ATG5: variants seen among roughly 807,000 people sequenced by gnomAD.
ATG5 encodes the protein autophagy protein 5.
ATG5 carries 14 observed loss-of-function variants against 36.5 expected under a neutral mutation model. The observed-to-expected ratio is 0.38, with a 90% CI of 0.25 to 0.60. The LOEUF (loss-of-function observed/expected upper bound fraction) is 0.60. ATG5 is among the 20% of genes least tolerant of loss of function. The pLI is 0.60. For missense variants in ATG5, 195 were observed against 326.7 expected, an observed-to-expected ratio of 0.60 and a Z score of 3.11; for synonymous variants, 95 against 101.5, an observed-to-expected ratio of 0.94 and a Z score of 0.38.
intron 6 of ATG5, among the ~76,000 whole-genome samples, chr6:106,235,364 C>T (rs1312630038): frequency 6.6e-6 from 1 of 152,152 alleles, no homozygotes; most frequent in East Asian, 1.9e-4. Flanking sequence ...CGAACGCACC[C>T]CTCCCGAGGA....
intron 7 of ATG5, among the ~76,000 whole-genome samples, chr6:106,187,862 C>A (rs908140062): frequency 2.0e-5 from 3 of 152,170 alleles, no homozygotes; most frequent in African/African-American, 7.2e-5. Context: ...ACAGAGGACA[C>A]AAAATACTAC....
In ATG5 at chr6:106,289,156, T is replaced by C. The variant is rs554741642; in HGVS notation, c.315+3872A>G. 3.2e-4 allele frequency among the ~76,000 whole-genome samples: 49 copies of C among 152,268 alleles called. 1 individual carries two copies. The South Asian group carries it at 7.7e-3, about 24-fold the overall frequency. On this transcript the variant is annotated intron_variant, in intron 4 of 7. Transcript: ENST00000369076. ...CAAAATTGTTACTCAATACATCCAATCTGTTGAATGTATAAACTATTTTCT... is the reference window on the plus strand; with the variant it reads ...CAAAATTGTTACTCAATACATCCAACCTGTTGAATGTATAAACTATTTTCT...
intron 5 of ATG5, among the ~76,000 whole-genome samples, chr6:106,251,452 C>T (rs1778571004): frequency 6.7e-6 from 1 of 150,222 alleles, no homozygotes; most frequent in African/African-American, 2.5e-5. Flanking sequence ...TTTATTAATT[C>T]TTCACATAAA....
At chr6:106,289,783 A>T in intron 4 of ATG5, among the ~76,000 whole-genome samples, 1 of 152,216 alleles carries the variant, frequency 6.6e-6, no homozygotes. Context: ...CAACAAAAAA[A>T]ACAGGAACAC....
chr6:106,238,740 T>C (rs1476512329), intron 6 of ATG5, among the ~76,000 whole-genome samples: 1 of 152,178 alleles, frequency 6.6e-6, no homozygotes, highest in Non-Finnish European at 1.5e-5. Flanking sequence ...TGAGAAAATA[T>C]CTGGGATATG....
intron 6 of ATG5, among the ~76,000 whole-genome samples, chr6:106,239,637 C>A (rs1305247718): frequency 6.6e-6 from 1 of 152,146 alleles, no homozygotes; most frequent in Non-Finnish European, 1.5e-5. Flanking sequence ...AATAAAGAAT[C>A]CAGAATTAGA....
chr6:106,293,895 A>T (rs1385367778), intron 3 of ATG5, among the ~76,000 whole-genome samples: 1 of 152,214 alleles, frequency 6.6e-6, no homozygotes, highest in Non-Finnish European at 1.5e-5. Context: ...TTGGTTAATC[A>T]GAATTAAATA....
At chr6:106,231,438 C>G (rs1777686619) in intron 6 of ATG5, among the ~76,000 whole-genome samples, 1 of 152,190 alleles carries the variant, frequency 6.6e-6, no homozygotes, top group Admixed American at 6.5e-5. Context: ...AGGCAGTTCC[C>G]AGTGTAGACC....
chr6:106,201,246 A>C (rs540003922), intron 7 of ATG5, among the ~76,000 whole-genome samples: 142 of 150,984 alleles, frequency 9.4e-4, no homozygotes, highest in African/African-American at 3.3e-3. Context: ...TATTATACAC[A>C]TATGTATATC....
At chr6:106,271,183 C>T (rs1314561931) in intron 5 of ATG5, among the ~76,000 whole-genome samples, 4 of 152,166 alleles carry the variant, frequency 2.6e-5, no homozygotes, top group African/African-American at 7.2e-5. Flanking sequence ...AAACTCATCT[C>T]GGGCCACACT....
intron 4 of ATG5, among the ~76,000 whole-genome samples, chr6:106,289,701 GA>G (rs1053319532): frequency 1.2e-4 from 18 of 151,792 alleles, no homozygotes; most frequent in Admixed American, 3.9e-4. Flanking sequence ...AAAATACCAA[GA>G]ATAAAACCAC....
At chr6:106,303,890 C>A (rs9320155) in intron 3 of ATG5, among the ~76,000 whole-genome samples, 24 of 151,564 alleles carry the variant, frequency 1.6e-4, no homozygotes, top group African/African-American at 5.8e-4. Flanking sequence ...AATACATTCC[C>A]CATAAAATTA....
intron 1 of ATG5, among the ~76,000 whole-genome samples, chr6:106,324,706 T>G (rs1771225028): frequency 6.6e-6 from 1 of 152,224 alleles, no homozygotes; most frequent in African/African-American, 2.4e-5. Flanking sequence ...AAGTAGCATA[T>G]CTTTGAAGAT....
chr6:106,187,307 T>C (rs1011890705), intron 7 of ATG5, among the ~76,000 whole-genome samples: 3 of 152,200 alleles, frequency 2.0e-5, no homozygotes, highest in Admixed American at 6.5e-5. Context: ...TGATTTTTGT[T>C]AACATCCACT....
intron 6 of ATG5, among the ~76,000 whole-genome samples, chr6:106,203,652 G>C (rs1399105931): frequency 6.6e-6 from 1 of 152,146 alleles, no homozygotes. Context: ...CTGTCACCCA[G>C]GTTGAATTGC....
intron 5 of ATG5, among the ~76,000 whole-genome samples, chr6:106,251,665 G>A: frequency 1.1e-5 from 1 of 95,236 alleles, no homozygotes; most frequent in Non-Finnish European, 2.2e-5. Flanking sequence ...GGGAGGAAGG[G>A]AGGGGGAGGG....
chr6:106,292,171 C>T (rs1780334826), intron 4 of ATG5, among the ~76,000 whole-genome samples: 7 of 152,224 alleles, frequency 4.6e-5, no homozygotes, highest in Admixed American at 4.6e-4. Context: ...CTGAGACCAA[C>T]ATGGTGAAAT....
chr6:106,264,186 T>C (rs187551809), intron 5 of ATG5, among the ~76,000 whole-genome samples: 19 of 152,124 alleles, frequency 1.2e-4, no homozygotes, highest in African/African-American at 3.6e-4. Context: ...GCACAAGAAC[T>C]TTGTGAAGCA....
At position 106,211,698 on chromosome 6, in the gene ATG5, A is replaced by G. The variant is rs182293361; in HGVS notation, c.574-9609T>C. ...GCACTCCAGCCTGGGCAACAGAGTG[A>G]GACTGCTCAGGATCTCCCAAAGACC... is the stretch of plus-strand genomic sequence containing the variant. On this transcript the variant is annotated intron_variant, in intron 6 of 7. Coordinates refer to ENST00000369076, the MANE Select transcript of ATG5 (RefSeq NM_004849.4). Among the ~76,000 whole-genome samples the G allele has an allele frequency of 2.3e-3, 345 of 152,350 alleles. 3 individuals are homozygous for G. Among genetic ancestry groups the G allele is most frequent in the Non-Finnish European group, 3.7e-3 (255 of 68,028 alleles).
Sources: allele counts gnomAD v4.1 joint callset (sites outside exome capture counted in the v4.1 genomes callset), GRCh38; gene constraint gnomAD v4.1.1; transcripts MANE v1.5; gene names NCBI Gene and HGNC (gene_info 2026-07-23, HGNC 2026-07-21).